The following PRKN variants were observed in gnomAD, a reference collection of about 807,000 sequenced individuals.
PRKN encodes E3 ubiquitin-protein ligase parkin.
In PRKN, 56 loss-of-function variants were observed where a neutral mutation model predicts 59.5. The ratio of observed to expected loss-of-function variants is 0.94; its 90% CI spans 0.76 to 1.18. The LOEUF (loss-of-function observed/expected upper bound fraction) is 1.18, where lower values mean the gene tolerates loss of function less well. PRKN is among the 50% of genes most tolerant of loss of function. The probability of loss-of-function intolerance (pLI) is 0.00; values close to 1 mark genes in which losing one functional copy is unlikely to be tolerated. For missense variants in PRKN, 657 were observed against 596.4 expected, an observed-to-expected ratio of 1.10 and a Z score of -1.06; for synonymous variants, 250 against 222.1, an observed-to-expected ratio of 1.13 and a Z score of -1.12.
chr6:161,522,713 T>C (rs1282544794), intron 9 of PRKN, among the ~76,000 whole-genome samples: 2 of 152,216 alleles, frequency 1.3e-5, no homozygotes, highest in South Asian at 4.1e-4. Context: ...GAAAATGTAA[T>C]GCAAAGATGA....
intron 5 of PRKN, among the ~76,000 whole-genome samples, chr6:161,994,622 G>A (rs933645507): frequency 6.6e-6 from 1 of 151,782 alleles, no homozygotes; most frequent in Non-Finnish European, 1.5e-5. Flanking sequence ...TAAAGTTGGA[G>A]GACACAAAAT....
chr6:161,496,941 A>G (rs1777773105), intron 9 of PRKN, among the ~76,000 whole-genome samples: 1 of 152,168 alleles, frequency 6.6e-6, no homozygotes, highest in African/African-American at 2.4e-5. Context: ...AGGCACCTTG[A>G]TTTCAGACTT....
chr6:162,721,425 T>C (rs969443002), intron 1 of PRKN, among the ~76,000 whole-genome samples: 1 of 152,244 alleles, frequency 6.6e-6, no homozygotes, highest in Non-Finnish European at 1.5e-5. Context: ...AATGGTTCAG[T>C]GACTCCTCCC....
chr6:161,764,245 A>T (rs1175782074), intron 7 of PRKN, among the ~76,000 whole-genome samples: 4 of 152,168 alleles, frequency 2.6e-5, no homozygotes, highest in Non-Finnish European at 5.9e-5. Flanking sequence ...GGTTTTTCAT[A>T]AATATCTGAA....
rs531807176 is a variant in PRKN, at chr6:161,821,719, C to CTTTTTTTTTT, written c.735-35821_735-35812dup. ...TTTGGAAAATATTTCCACTGGTGTT[C>CTTTTTTTTTT]TTTTTTTTTTTTTTTTTTTTTTTTT... On this transcript the variant is annotated intron_variant, in intron 6 of 11. Transcript: ENST00000366898. Among the ~76,000 whole-genome samples the CTTTTTTTTTT allele has an allele frequency of 6.2e-4, 40 of 64,696 alleles. 5 individuals are homozygous for CTTTTTTTTTT. The highest frequency in any genetic ancestry group is 1.5e-3 in the East Asian group (3 of 1,944). 42.4% of individuals were successfully genotyped at this position (64,696 alleles called of 152,430 possible).
chr6:162,587,096 G>A (rs1781091136), intron 1 of PRKN, among the ~76,000 whole-genome samples: 1 of 152,162 alleles, frequency 6.6e-6, no homozygotes, highest in African/African-American at 2.4e-5. Flanking sequence ...TAATTAAAAT[G>A]TTTTTATAAG....
intron 6 of PRKN, among the ~76,000 whole-genome samples, chr6:161,902,214 G>A (rs73785465): frequency 6.6e-5 from 10 of 152,192 alleles, no homozygotes; most frequent in East Asian, 3.9e-4. Context: ...TCCCCTGGCC[G>A]GCCCCGTCCT....
At chr6:162,569,249 A>C (rs1462953851) in intron 1 of PRKN, 4 of 581,204 alleles carry the variant, frequency 6.9e-6, no homozygotes, top group African/African-American at 3.7e-5. Context: ...TGAGGGCCTC[A>C]AAAGCCAGAG....
At chr6:162,201,391 C>T (rs1433087911) in intron 3 of PRKN, 139 bp from the exon 4 acceptor site, 1 of 763,076 alleles carries the variant, frequency 1.3e-6, no homozygotes, top group East Asian at 2.6e-5. Flanking sequence ...AATAAATATT[C>T]CAATGGGAAT....
chr6:162,249,005 AGTACCTGGGACTACAGGT>A (rs1287106902), intron 3 of PRKN, among the ~76,000 whole-genome samples: 1 of 151,616 alleles, frequency 6.6e-6, no homozygotes, highest in Non-Finnish European at 1.5e-5. Context: ...CAGCCTCCCG[AGTACCTGGGACTACAGGT>A]GCACCACCAC....
intron 5 of PRKN, among the ~76,000 whole-genome samples, chr6:162,051,174 A>T (rs759092186): frequency 3.5e-4 from 53 of 152,158 alleles, no homozygotes; most frequent in Non-Finnish European, 5.0e-4. Flanking sequence ...CTCCTTCAGA[A>T]TTCCAAAGTC....
chr6:161,958,919 G>T (rs80118763), intron 6 of PRKN, among the ~76,000 whole-genome samples: 1,907 of 152,054 alleles, frequency 0.013, 36 homozygotes, highest in African/African-American at 0.044. Context: ...AAAAGAATGT[G>T]AGAGTGGTTA....
At position 162,115,058 on chromosome 6, in the gene PRKN, C is replaced by T. The variant is rs559889629; in HGVS notation, c.535-60884G>A. ...GACACATGCACACGTATGTTTATTG[C>T]GGCATTATTCACAATAGCAAAAACT... On this transcript the variant is annotated intron_variant, in intron 4 of 11. Transcript: ENST00000366898. Among the ~76,000 whole-genome samples the T allele has an allele frequency of 9.2e-5, 14 of 151,912 alleles. No homozygotes were observed. The East Asian group carries it at 1.2e-3, about 13-fold the overall frequency.
In PRKN at chr6:161,766,350, C is replaced by T. The variant is rs141831723; in HGVS notation, c.871+19422G>A. Among the ~76,000 whole-genome samples, 24 of 139,928 alleles carry T rather than the reference C, an allele frequency of 1.7e-4. No homozygotes were observed. In the East Asian group the frequency reaches 5.0e-3, roughly 29 times the overall value. The allele number at this position is 139,928 out of a possible 152,430, so 91.8% of individuals were successfully genotyped here. Reference sequence around the variant, plus strand: ...TTTAGACAGAGTCTCGATCTGTCACCAGGCTGGAGTGCAGTGGCTCAATCT... The same window carrying T: ...TTTAGACAGAGTCTCGATCTGTCACTAGGCTGGAGTGCAGTGGCTCAATCT... On this transcript the variant is annotated intron_variant, in intron 7 of 11. Transcript: ENST00000366898.
intron 2 of PRKN, among the ~76,000 whole-genome samples, chr6:162,340,179 AATTTT>A (rs1784109908): frequency 6.6e-6 from 1 of 151,588 alleles, no homozygotes; most frequent in Admixed American, 6.6e-5. Context: ...TGATTTTTGC[AATTTT>A]ATTTCGTGAG....
chr6:161,960,165 T>C lies in PRKN; in HGVS notation c.734+13137A>G, dbSNP rs973312618. Among the ~76,000 whole-genome samples the C allele has an allele frequency of 1.1e-4, 16 of 152,306 alleles. No individual in the cohort carries two copies. In the East Asian group the frequency reaches 2.7e-3, roughly 26 times the overall value. On this transcript the variant is annotated intron_variant, in intron 6 of 11. Coordinates refer to ENST00000366898, the MANE Select transcript of PRKN (RefSeq NM_004562.3). ...GTGCCACCACACTGGAAAAAAAACA[T>C]GGTTCCAAGTGCTTACTGCATGGAC...
chr6:162,558,024 A>G (rs13207671), intron 1 of PRKN, among the ~76,000 whole-genome samples: 15,351 of 152,260 alleles, frequency 0.1, 931 homozygotes, highest in Middle Eastern at 0.19. Context: ...TCTTAGGCAT[A>G]ATCACCATGG....
intron 2 of PRKN, among the ~76,000 whole-genome samples, chr6:162,316,349 A>G (rs2128119857): frequency 6.6e-6 from 1 of 152,174 alleles, no homozygotes; most frequent in Middle Eastern, 3.4e-3. Context: ...AGGCTTATGA[A>G]GTTGGCTTTG....
At chr6:162,633,461 A>C (rs1777593613) in intron 1 of PRKN, among the ~76,000 whole-genome samples, 1 of 145,964 alleles carries the variant, frequency 6.9e-6, no homozygotes, top group Non-Finnish European at 1.5e-5. Context: ...AAAAAAAAGG[A>C]TCCATTTAGT....
Sources: gnomAD v4.1 joint callset for allele counts (sites outside exome capture counted in the v4.1 genomes callset) on GRCh38, gnomAD v4.1.1 for gene constraint, MANE v1.5 for transcripts, NCBI Gene and HGNC (gene_info 2026-07-23, HGNC 2026-07-21) for gene names.